Variants in DTWD2 observed in about 807,000 individuals in gnomAD.
DTWD2 encodes the protein tRNA-uridine aminocarboxypropyltransferase 2.
DTWD2 carries 39 observed loss-of-function variants against 31.8 expected under a neutral mutation model. That is an observed-to-expected ratio of 1.22 (90% CI 0.95 to 1.60). The LOEUF (loss-of-function observed/expected upper bound fraction) is 1.60, where lower values mean the gene tolerates loss of function less well. Ranked by LOEUF, DTWD2 falls within the 40% of genes most tolerant of loss-of-function variation. The pLI is 0.00. For missense variants in DTWD2, 515 were observed against 381.5 expected (o/e 1.35, Z -2.92); for synonymous variants, 180 against 142.8 (o/e 1.26, Z -1.86).
chr5:118,964,920 G>A (rs1462672637), intron 1 of DTWD2, among the ~76,000 whole-genome samples: 2 of 151,944 alleles, frequency 1.3e-5, no homozygotes, highest in African/African-American at 4.8e-5. Flanking sequence ...GATGTGAGGA[G>A]CCCCTCTGCC....
chr5:118,875,570 A>G (rs1368395480), intron 4 of DTWD2, among the ~76,000 whole-genome samples: 13 of 151,148 alleles, frequency 8.6e-5, no homozygotes, highest in African/African-American at 2.9e-4. Context: ...TCTGAAAAAA[A>G]AAAAAAAAAA....
chr5:118,905,297 A>T (rs1196898477), intron 4 of DTWD2, among the ~76,000 whole-genome samples: 1 of 152,132 alleles, frequency 6.6e-6, no homozygotes, highest in East Asian at 1.9e-4. Context: ...AGGCCCTCCT[A>T]ATTAGCAACT....
chr5:118,859,603 T>C (rs1254579204), intron 4 of DTWD2, among the ~76,000 whole-genome samples: 4 of 152,154 alleles, frequency 2.6e-5, no homozygotes, highest in South Asian at 4.1e-4. Context: ...ATTAGGTTCA[T>C]TTGTTTCCTT....
chr5:118,965,497 G>A (rs1194515287), intron 1 of DTWD2, among the ~76,000 whole-genome samples: 1 of 152,228 alleles, frequency 6.6e-6, no homozygotes, highest in Non-Finnish European at 1.5e-5. Context: ...GGAAATGTGG[G>A]GAAAAGATAG....
chr5:118,874,867 A>G (rs1752587098), intron 4 of DTWD2, among the ~76,000 whole-genome samples: 1 of 152,146 alleles, frequency 6.6e-6, no homozygotes, highest in African/African-American at 2.4e-5. Context: ...AGAGAGCCCC[A>G]GTAAGATACT....
At position 118,966,875 on chromosome 5, in the gene DTWD2, C is replaced by T. The variant is rs575571927; in HGVS notation, c.218+21419G>A. Among the ~76,000 whole-genome samples, 6 of 151,942 alleles carry T rather than the reference C, an allele frequency of 3.9e-5. No homozygotes were observed. In the South Asian group the frequency reaches 1.2e-3, roughly 32 times the overall value. On this transcript the variant is annotated intron_variant, in intron 1 of 5. Coordinates refer to ENST00000510708, the MANE Select transcript of DTWD2 (RefSeq NM_173666.4). ...TGAAACCCCGTCTCTATTAAAAATA[C>T]AAAAATTAGCCAGGCACGGTGGCAG...
intron 4 of DTWD2, among the ~76,000 whole-genome samples, chr5:118,923,205 A>C (rs1753740359): frequency 6.6e-6 from 1 of 151,702 alleles, no homozygotes; most frequent in South Asian, 2.1e-4. Flanking sequence ...GGCAGGAGAG[A>C]GCTCTCCCCC....
Position 118,956,958 on chromosome 5 carries a change from G to A in DTWD2, c.219-12309C>T, listed in dbSNP as rs571799178. On this transcript the variant is annotated intron_variant, in intron 1 of 5. Transcript: ENST00000510708. ...CTGCTGTCATTTTAAAGAAACTAAC[G>A]TGATCTGTAAGATAAAGTCATTGTC... Among the ~76,000 whole-genome samples, 12 of 147,296 alleles carry A rather than the reference G, an allele frequency of 8.1e-5. No homozygotes were observed. The East Asian group carries it at 1.5e-3, about 19-fold the overall frequency.
rs1221777850 is a variant in DTWD2, at chr5:118,973,079, C to CCTTTTTTTTTTTTTTTTTT, written c.218+15214_218+15215insAAAAAAAAAAAAAAAAAAG. On this transcript the variant is annotated intron_variant, in intron 1 of 5. Transcript: ENST00000510708. Reference sequence around the variant, plus strand: ...TATCAGAAACTAGGATTGCAACCCCCTTTTTTTTTTTTTTTTTTGGCTTTC... The same window carrying CCTTTTTTTTTTTTTTTTTT: ...TATCAGAAACTAGGATTGCAACCCCCCTTTTTTTTTTTTTTTTTTTTTTTTTTTTTTTTTTTTGGCTTTC... Among the ~76,000 whole-genome samples, 2 of 140,000 alleles carry CCTTTTTTTTTTTTTTTTTT rather than the reference C, an allele frequency of 1.4e-5. 1 individual carries two copies. 91.8% of individuals were successfully genotyped at this position (140,000 alleles called of 152,430 possible). A position where few individuals can be genotyped will look rare whatever the true frequency, so the allele number is the denominator to read the frequency against.
At chr5:118,964,717 C>G (rs1190686121) in intron 1 of DTWD2, among the ~76,000 whole-genome samples, 1 of 152,272 alleles carries the variant, frequency 6.6e-6, no homozygotes, top group Non-Finnish European at 1.5e-5. Flanking sequence ...GCCAGGACTG[C>G]AGATGGAGTC....
chr5:118,926,201 CG>C (rs1374274111), intron 4 of DTWD2, among the ~76,000 whole-genome samples: 1 of 152,108 alleles, frequency 6.6e-6, no homozygotes, highest in Non-Finnish European at 1.5e-5. Context: ...ATATATACCA[CG>C]GAATACTACT....
At chr5:118,896,883 T>C (rs980382113) in intron 4 of DTWD2, among the ~76,000 whole-genome samples, 28 of 152,296 alleles carry the variant, frequency 1.8e-4, no homozygotes, top group Middle Eastern at 3.4e-3. Context: ...AAGTGCCAGG[T>C]ATGTGCCTAA....
At chr5:118,917,195 T>A (rs1753597393) in intron 4 of DTWD2, among the ~76,000 whole-genome samples, 1 of 152,208 alleles carries the variant, frequency 6.6e-6, no homozygotes, top group South Asian at 2.1e-4. Flanking sequence ...TGATGTGCTA[T>A]TACCAGACAA....
chr5:118,842,953 C>CT lies in DTWD2; in HGVS notation c.727-1867dup, dbSNP rs1181962036. 3.0e-3 allele frequency among the ~76,000 whole-genome samples: 324 copies of CT among 108,796 alleles called. 1 individual carries two copies. Among genetic ancestry groups the CT allele is most frequent in the East Asian group, 4.8e-3 (19 of 3,978 alleles). 71.4% of individuals were successfully genotyped at this position (108,796 alleles called of 152,430 possible). On this transcript the variant is annotated intron_variant, in intron 5 of 5. Coordinates refer to ENST00000510708, the MANE Select transcript of DTWD2 (RefSeq NM_173666.4). ...CAGAATGAGAAACTTTCTTCTTCCT[C>CT]TTTTTTTTTTTTTTTTTTTTTGAGA...
intron 4 of DTWD2, among the ~76,000 whole-genome samples, chr5:118,911,121 CA>C (rs1187682481): frequency 1.8e-4 from 28 of 152,104 alleles, no homozygotes; most frequent in African/African-American, 6.5e-4. Flanking sequence ...AACTCAATAG[CA>C]AAAACTCAAC....
intron 1 of DTWD2, among the ~76,000 whole-genome samples, chr5:118,976,028 T>A (rs775864915): frequency 6.6e-6 from 1 of 152,170 alleles, no homozygotes; most frequent in Non-Finnish European, 1.5e-5. Context: ...AACTCAGAAT[T>A]AAGAAACTCA....
At chr5:118,868,572 T>C (rs1752432226) in intron 4 of DTWD2, among the ~76,000 whole-genome samples, 2 of 152,028 alleles carry the variant, frequency 1.3e-5, no homozygotes, top group East Asian at 3.9e-4. Context: ...AACAAACAAA[T>C]AATGCCTCTA....
chr5:118,883,987 ACAG>A (rs1187673394), intron 4 of DTWD2, among the ~76,000 whole-genome samples: 1 of 152,202 alleles, frequency 6.6e-6, no homozygotes, highest in African/African-American at 2.4e-5. Context: ...TCAAAATTAG[ACAG>A]CAGATTTTTG....
chr5:118,844,271 A>G (rs1397168507), intron 5 of DTWD2, among the ~76,000 whole-genome samples: 1 of 152,232 alleles, frequency 6.6e-6, no homozygotes, highest in Admixed American at 6.5e-5. Flanking sequence ...CAAAACATTC[A>G]GGTTATAGCA....
Sources: allele counts gnomAD v4.1 joint callset (sites outside exome capture counted in the v4.1 genomes callset), GRCh38; gene constraint gnomAD v4.1.1; transcripts MANE v1.5; gene names NCBI Gene and HGNC (gene_info 2026-07-23, HGNC 2026-07-21).